The following AHR variants were observed in gnomAD, a reference collection of about 807,000 sequenced individuals.
AHR encodes the protein aryl hydrocarbon receptor, also known as AH-receptor.
AHR carries 40 observed loss-of-function variants against 86.8 expected under a neutral mutation model. That is an observed-to-expected ratio of 0.46 (90% confidence interval 0.36 to 0.60). The LOEUF is 0.60. Ranked by LOEUF, AHR falls within the 20% of genes least tolerant of loss-of-function variation. AHR has a pLI of 0.00. For synonymous variants in AHR, 398 were observed against 354.9 expected (o/e 1.12, Z -1.37); for missense variants, 1,001 against 1,011.6 (o/e 0.99, Z 0.14).
chr7:17,322,434 A>G lies in AHR; in HGVS notation c.254-67A>G, dbSNP rs1216915557. 6 of 1,009,090 alleles carry G rather than the reference A, an allele frequency of 5.9e-6. No homozygotes were observed. In the South Asian group the frequency reaches 7.4e-5, roughly 12 times the overall value. 62.5% of individuals were successfully genotyped at this position (1,009,090 alleles called of 1,614,324 possible). A position where few individuals can be genotyped will look rare whatever the true frequency, so the allele number is the denominator to read the frequency against. On this transcript the variant is annotated intron_variant, in intron 2 of 10. Transcript: ENST00000242057. ...AAATTGTCTTTGTTTGGTGTTCAGAAGTTTTCTATTATAGCTCTTTACTCT... is the reference window on the plus strand; with the variant it reads ...AAATTGTCTTTGTTTGGTGTTCAGAGGTTTTCTATTATAGCTCTTTACTCT...
intron 10 of AHR, 83 bp from the exon 11 acceptor site, chr7:17,342,838 A>C: frequency 1.5e-6 from 2 of 1,365,666 alleles, no homozygotes; most frequent in Non-Finnish European, 2.0e-6. Flanking sequence ...TAAGATTTTA[A>C]AAATACATGT....
intron 2 of AHR, among the ~76,000 whole-genome samples, chr7:17,321,759 T>G (rs1382969936): frequency 6.6e-6 from 1 of 151,970 alleles, no homozygotes; most frequent in Non-Finnish European, 1.5e-5. Flanking sequence ...TTACAAGATG[T>G]AATACCTAGG....
At position 17,339,204 on chromosome 7, in the gene AHR, TGATGCAACAA is replaced by T; in HGVS notation, c.1384_1393del (p.Gln462SerfsTer26). On this transcript the variant is annotated frameshift_variant, in exon 10 of 11. Transcript: ENST00000242057. Reference sequence around the variant, plus strand: ...AATCCTAGTTCCCTCCTGGCTGCCATGATGCAACAAGATGAGTCTATTTATCTCTATCCTG... The same window carrying T: ...AATCCTAGTTCCCTCCTGGCTGCCATGATGAGTCTATTTATCTCTATCCTG... The T allele has an allele frequency of 6.2e-7, 1 of 1,614,196 alleles. No homozygotes were observed. Among genetic ancestry groups the T allele is most frequent in the Non-Finnish European group, 8.5e-7 (1 of 1,180,028 alleles).
rs1443029908 is a variant in AHR, at chr7:17,345,736, A to C, written c.*2672A>C. ...TTTTTATCTATATAAAATAACTAAA[A>C]TGTATCTAAGAATAATAAAATCACG... On this transcript the variant is annotated 3_prime_UTR_variant, in exon 11 of 11. Transcript: ENST00000242057. 6.5e-6 allele frequency: 1 copy of C among 152,754 alleles called. No homozygotes were observed. Among genetic ancestry groups the C allele is most frequent in the Non-Finnish European group, 1.5e-5 (1 of 68,032 alleles). The allele number at this position is 152,754 out of a possible 1,614,324, so 9.5% of individuals were successfully genotyped here.
At position 17,339,033 on chromosome 7, in the gene AHR, C is replaced by T; in HGVS notation, c.1208C>T (p.Pro403Leu). The change falls in exon 10 of 11, where the codon CCT (proline) becomes CTT (leucine). Residue 403 changes from proline to leucine, a missense_variant. Around this residue, in one of 2 missense-constraint regions of AHR, gnomAD observed 607 missense variants for 543.1 expected, o/e 1.12. Coordinates refer to ENST00000242057, the MANE Select transcript of AHR (RefSeq NM_001621.5). Reference protein sequence around the residue: ...EHLRKRNTKLPFMFTTGEAVL... With the variant: ...EHLRKRNTKLLFMFTTGEAVL... ...TTACGAAAACGAAATACGAAGTTGCCTTTTATGTTTACCACTGGAGAAGCT... is the reference window on the plus strand; with the variant it reads ...TTACGAAAACGAAATACGAAGTTGCTTTTTATGTTTACCACTGGAGAAGCT... 6.2e-7 allele frequency: 1 copy of T among 1,613,956 alleles called. No individual in the cohort carries two copies. The highest frequency in any genetic ancestry group is 1.1e-5 in the South Asian group (1 of 91,056).
chr7:17,317,275 T>C (rs1037909357), intron 2 of AHR, among the ~76,000 whole-genome samples: 13 of 152,186 alleles, frequency 8.5e-5, no homozygotes, highest in African/African-American at 3.1e-4. Flanking sequence ...CATAATAATT[T>C]ACTTACATAT....
chr7:17,341,874 A>C (rs747420802), intron 10 of AHR, among the ~76,000 whole-genome samples: 2 of 152,158 alleles, frequency 1.3e-5, no homozygotes, highest in Admixed American at 6.5e-5. Context: ...ACTGCTGTGT[A>C]CAGTATGTTT....
intron 1 of AHR, among the ~76,000 whole-genome samples, chr7:17,308,205 C>A (rs912286168): frequency 5.3e-5 from 8 of 152,152 alleles, no homozygotes; most frequent in African/African-American, 1.7e-4. Flanking sequence ...GTGGCCCCAA[C>A]CATCCTTCTT....
chr7:17,343,628 C>T lies in AHR; in HGVS notation c.*564C>T, dbSNP rs1389352670. The T allele has an allele frequency of 6.5e-6, 1 of 153,048 alleles. No homozygotes were observed. Among genetic ancestry groups the T allele is most frequent in the Non-Finnish European group, 1.5e-5 (1 of 68,430 alleles). 9.5% of individuals were successfully genotyped at this position (153,048 alleles called of 1,614,324 possible). A position where few individuals can be genotyped will look rare whatever the true frequency, so the allele number is the denominator to read the frequency against. ...TCTAAGTGCCTCACATTTTTTTCTA[C>T]CTATAACACTCTAGGATGTATATTT... On this transcript the variant is annotated 3_prime_UTR_variant, in exon 11 of 11. Coordinates refer to ENST00000242057, the MANE Select transcript of AHR (RefSeq NM_001621.5).
chr7:17,339,284 A>G lies in AHR; in HGVS notation c.1459A>G (p.Asn487Asp), dbSNP rs75519181. The G allele has an allele frequency of 5.6e-4, 912 of 1,614,206 alleles. 13 individuals are homozygous for G. In the East Asian group the frequency reaches 0.018, roughly 31 times the overall value. ...STAPFENNFF[N>D]ESMNECRNWQ... is the part of the protein sequence containing the mutation. ...TGCACCTTTTGAAAACAACTTTTTC[A>G]ACGAATCTATGAATGAATGCAGAAA... The change falls in exon 10 of 11, where the codon AAC becomes GAC. Residue 487 changes from asparagine to aspartate, a missense_variant. By Grantham distance (23) the Asn-to-Asp change is conservative (BLOSUM62 1). Transcript: ENST00000242057.
intron 10 of AHR, among the ~76,000 whole-genome samples, chr7:17,341,524 T>G (rs1409755516): frequency 1.3e-5 from 2 of 152,186 alleles, no homozygotes; most frequent in Non-Finnish European, 2.9e-5. Flanking sequence ...TCTATAGACC[T>G]ACATATGTTC....
chr7:17,334,062 A>G lies in AHR; in HGVS notation c.856A>G (p.Ile286Val). The G allele has an allele frequency of 3.7e-6, 6 of 1,613,540 alleles. No individual in the cohort carries two copies. The highest frequency in any genetic ancestry group is 5.1e-6 in the Non-Finnish European group (6 of 1,179,516). ...ACTTGAAATCCGGACCAAAAATTTT[A>G]TCTTTAGAACCAAACACAAACTAGA... ...SILEIRTKNF[I>V]FRTKHKLDFT... Residue 286 changes from isoleucine (I) to valine (V), a missense_variant, in exon 7 of 11, where the codon ATC (isoleucine) becomes GTC (valine). This residue lies in a region of AHR where 394 missense variants were observed against 468.5 expected (regional missense o/e 0.84). Transcript: ENST00000242057.
intron 1 of AHR, among the ~76,000 whole-genome samples, chr7:17,303,948 T>C (rs1482772451): frequency 6.6e-6 from 1 of 152,112 alleles, no homozygotes; most frequent in Admixed American, 6.6e-5. Flanking sequence ...AAAAGTGTGG[T>C]TGGTAATTAA....
intron 3 of AHR, among the ~76,000 whole-genome samples, chr7:17,325,263 GATA>G (rs1374971377): frequency 6.6e-6 from 1 of 152,122 alleles, no homozygotes; most frequent in Non-Finnish European, 1.5e-5. Flanking sequence ...TTTTATTTCT[GATA>G]ATAACATTTG....
intron 2 of AHR, among the ~76,000 whole-genome samples, chr7:17,312,130 C>T (rs925764362): frequency 2.0e-5 from 3 of 152,214 alleles, no homozygotes; most frequent in Non-Finnish European, 4.4e-5. Flanking sequence ...CTCCCAGCGT[C>T]ACGGAATGCT....
chr7:17,331,046 T>G (rs1782283174), intron 6 of AHR, among the ~76,000 whole-genome samples, 160 bp downstream of exon 6: 1 of 151,916 alleles, frequency 6.6e-6, no homozygotes, highest in African/African-American at 2.4e-5. Flanking sequence ...AAACATGGGC[T>G]GGAGCATTTA....
chr7:17,312,779 G>C (rs1782079381), intron 2 of AHR, among the ~76,000 whole-genome samples: 1 of 152,104 alleles, frequency 6.6e-6, no homozygotes, highest in South Asian at 2.1e-4. Flanking sequence ...TTTAACGTTA[G>C]ATTCTTTTCA....
At chr7:17,300,556 C>T (rs1299494952) in intron 1 of AHR, among the ~76,000 whole-genome samples, 1 of 152,116 alleles carries the variant, frequency 6.6e-6, no homozygotes, top group Non-Finnish European at 1.5e-5. Context: ...TTGGCATTAA[C>T]AGAGGATAAT....
chr7:17,306,459 C>A (rs1268657458), intron 1 of AHR, among the ~76,000 whole-genome samples: 1 of 152,068 alleles, frequency 6.6e-6, no homozygotes, highest in African/African-American at 2.4e-5. Context: ...ACTTCTTAGC[C>A]CTGACCTTAA....
Sources: gnomAD v4.1 joint callset for allele counts (sites outside exome capture counted in the v4.1 genomes callset) on GRCh38, gnomAD v4.1.1 for gene constraint, gnomAD v4.1.1 regional missense constraint, MANE v1.5 for transcripts, NCBI Gene and HGNC (gene_info 2026-07-23, HGNC 2026-07-21) for gene names.